Variants in NMBR observed in about 807,000 individuals in gnomAD.
NMBR encodes neuromedin B receptor.
Under a neutral mutation model 20.5 loss-of-function variants are expected in NMBR, and 16 were observed. That is an observed-to-expected ratio of 0.78 (90% CI 0.53 to 1.19). The LOEUF is 1.19. Ranked by LOEUF, NMBR falls within the 50% of genes most tolerant of loss-of-function variation. The pLI, the probability that NMBR is intolerant of heterozygous loss-of-function variation, is 0.00. For synonymous variants in NMBR, 212 were observed against 196.6 expected (o/e 1.08, Z -0.65); for missense variants, 582 against 499.1 (o/e 1.17, Z -1.58).
chr6:142,109,996 T>C (rs1272991044), intron 1 of NMBR, among the ~76,000 whole-genome samples: 1 of 152,156 alleles, frequency 6.6e-6, no homozygotes, highest in Non-Finnish European at 1.5e-5. Flanking sequence ...TATAAGTTAC[T>C]CAGTCTAAGG....
chr6:142,120,752 C>T (rs1777931774), intron 1 of NMBR, among the ~76,000 whole-genome samples: 1 of 152,020 alleles, frequency 6.6e-6, no homozygotes, highest in South Asian at 2.1e-4. Flanking sequence ...TTAAATAAAG[C>T]TTCAAAGATA....
Position 142,103,565 on chromosome 6 carries a change from C to T in NMBR, c.-663-14244G>A, listed in dbSNP as rs541559841. The stretch of plus-strand genomic sequence containing the variant: ...GGAATGCAGAGCTTCTAGTAACAAA[C>T]ACTTTAAGGACTCAGGATGAGGTGG... On this transcript the variant is annotated intron_variant, in intron 1 of 3. Transcript: ENST00000258042. Among the ~76,000 whole-genome samples the T allele has an allele frequency of 7.9e-5, 12 of 152,210 alleles. No homozygotes were observed. The East Asian group carries it at 1.9e-3, about 25-fold the overall frequency.
chr6:142,080,023 T>C (rs1271481171), intron 2 of NMBR, among the ~76,000 whole-genome samples: 2 of 152,320 alleles, frequency 1.3e-5, no homozygotes, highest in East Asian at 3.9e-4. Flanking sequence ...GGTGACAATA[T>C]ACCTAGCAAA....
At chr6:142,083,993 C>G (rs1270550185) in intron 2 of NMBR, among the ~76,000 whole-genome samples, 1 of 152,172 alleles carries the variant, frequency 6.6e-6, no homozygotes, top group Non-Finnish European at 1.5e-5. Flanking sequence ...TACCAATTAA[C>G]AGACTGAGAG....
intron 1 of NMBR, among the ~76,000 whole-genome samples, chr6:142,094,204 T>C (rs563630843): frequency 6.6e-6 from 1 of 152,210 alleles, no homozygotes; most frequent in East Asian, 1.9e-4. Context: ...CTTTTGGTGT[T>C]TTAGACATGA....
chr6:142,106,213 A>G (rs1777659419), intron 1 of NMBR, among the ~76,000 whole-genome samples: 1 of 152,114 alleles, frequency 6.6e-6, no homozygotes, highest in Non-Finnish European at 1.5e-5. Flanking sequence ...GAAGACTGCA[A>G]CTGGACAATC....
At chr6:142,117,384 A>T (rs931005202) in intron 1 of NMBR, among the ~76,000 whole-genome samples, 3 of 152,066 alleles carry the variant, frequency 2.0e-5, no homozygotes, top group African/African-American at 7.2e-5. Flanking sequence ...ATAAATTAGC[A>T]CATCTCAATA....
rs1040884118 is a variant in NMBR, at chr6:142,095,354, T to C, written c.-663-6033A>G. ...CAATACCTAATTTATTGAGAGATTTTAGCATGAAGTGTTGTTGAATTTTGT... is the reference window on the plus strand; with the variant it reads ...CAATACCTAATTTATTGAGAGATTTCAGCATGAAGTGTTGTTGAATTTTGT... On this transcript the variant is annotated intron_variant, in intron 1 of 3. Coordinates refer to ENST00000258042, the MANE Select transcript of NMBR (RefSeq NM_002511.4). 2.6e-5 allele frequency among the ~76,000 whole-genome samples: 4 copies of C among 152,356 alleles called. No homozygotes were observed. The South Asian group carries it at 6.2e-4, about 24-fold the overall frequency.
At chr6:142,099,980 A>G (rs1777530291) in intron 1 of NMBR, among the ~76,000 whole-genome samples, 1 of 152,216 alleles carries the variant, frequency 6.6e-6, no homozygotes, top group South Asian at 2.1e-4. Flanking sequence ...ACATCATGCC[A>G]TTAAGCAATT....
chr6:142,099,324 A>G (rs926802620), intron 1 of NMBR, among the ~76,000 whole-genome samples: 1 of 152,196 alleles, frequency 6.6e-6, no homozygotes, highest in African/African-American at 2.4e-5. Flanking sequence ...TAATTGACTC[A>G]TAGTTCCACA....
chr6:142,086,453 T>C (rs552328337), intron 2 of NMBR, among the ~76,000 whole-genome samples: 3 of 152,148 alleles, frequency 2.0e-5, no homozygotes, highest in African/African-American at 4.8e-5. Flanking sequence ...AGAAGAAAAA[T>C]AGAAGTGTAG....
At position 142,088,937 on chromosome 6, in the gene NMBR, G is replaced by C. The variant is rs1777263528; in HGVS notation, c.-279C>G. The C allele has an allele frequency of 8.1e-6, 3 of 369,812 alleles. No homozygotes were observed. The highest frequency in any genetic ancestry group is 7.7e-4 in the Middle Eastern group (1 of 1,306). The allele number at this position is 369,812 out of a possible 1,614,324, so 22.9% of individuals were successfully genotyped here. A position where few individuals can be genotyped will look rare whatever the true frequency, so the allele number is the denominator to read the frequency against. ...AAAAAAGCAAAGCGGTTGCGTCTTT[G>C]TTCCGTATTCAGTGGTTTGTTCTCG... On this transcript the variant is annotated 5_prime_UTR_variant, in exon 2 of 4. Coordinates refer to ENST00000258042, the MANE Select transcript of NMBR (RefSeq NM_002511.4).
chr6:142,094,881 T>G (rs1777413419), intron 1 of NMBR, among the ~76,000 whole-genome samples: 1 of 152,236 alleles, frequency 6.6e-6, no homozygotes, highest in Non-Finnish European at 1.5e-5. Context: ...CCTTGTAAGC[T>G]GGATTCCTAG....
Position 142,082,118 on chromosome 6 carries a change from T to C in NMBR, c.423-3215A>G, listed in dbSNP as rs539748943. Among the ~76,000 whole-genome samples the C allele has an allele frequency of 2.4e-4, 37 of 152,326 alleles. No individual in the cohort carries two copies. In the East Asian group the frequency reaches 5.6e-3, roughly 23 times the overall value. ...CATCATAGCATCTCAAAAATCTCCA[T>C]CTACACTAATCTTTCTAATGACACT... On this transcript the variant is annotated intron_variant, in intron 2 of 3. Coordinates refer to ENST00000258042, the MANE Select transcript of NMBR (RefSeq NM_002511.4).
chr6:142,111,600 T>C (rs1777764179), intron 1 of NMBR, among the ~76,000 whole-genome samples: 2 of 152,156 alleles, frequency 1.3e-5, no homozygotes, highest in South Asian at 2.1e-4. Context: ...CGGTTTCAAA[T>C]AGGATTATAA....
At chr6:142,129,295 C>T (rs577669795) in intron 1 of NMBR, among the ~76,000 whole-genome samples, 1 of 151,972 alleles carries the variant, frequency 6.6e-6, no homozygotes, top group Non-Finnish European at 1.5e-5. Flanking sequence ...TCTGAGCTCG[C>T]CTTCCCTCCT....
Position 142,078,651 on chromosome 6 carries a change from A to G in NMBR, c.675T>C (p.Leu225=). The G allele has an allele frequency of 3.7e-6, 6 of 1,612,886 alleles. No homozygotes were observed. In the South Asian group the frequency reaches 5.5e-5, roughly 15 times the overall value. ...GATAATAATAAATGCTAATAATAGC[A>G]AGTGGTATGAGGAAATAGACCAAGA... The part of the protein sequence containing the change: ...LIFLVYFLIP[L]AIISIYYYHI... The change falls in exon 3 of 4, where the codon CTT becomes CTC. Residue 225 remains leucine, a synonymous_variant. Coordinates refer to ENST00000258042, the MANE Select transcript of NMBR (RefSeq NM_002511.4).
chr6:142,108,168 C>T (rs1299857379), intron 1 of NMBR, among the ~76,000 whole-genome samples: 1 of 151,966 alleles, frequency 6.6e-6, no homozygotes, highest in Non-Finnish European at 1.5e-5. Flanking sequence ...AAAAGTTATT[C>T]AAAAAAGTAA....
At chr6:142,078,974 G>T (rs770787066) in intron 2 of NMBR, 71 bp from the exon 3 acceptor site, 227 of 997,532 alleles carry the variant, frequency 2.3e-4, no homozygotes, top group Non-Finnish European at 2.9e-4. Context: ...AAGAAAGAAA[G>T]AAAAAGAAAG....
Sources: allele counts gnomAD v4.1 joint callset (sites outside exome capture counted in the v4.1 genomes callset), GRCh38; gene constraint gnomAD v4.1.1; transcripts MANE v1.5; gene names NCBI Gene and HGNC (gene_info 2026-07-23, HGNC 2026-07-21).